Variants in SNX29 observed in about 807,000 individuals in gnomAD.
SNX29 encodes the protein sorting nexin 29.
Under a neutral mutation model 102.1 loss-of-function variants are expected in SNX29, and 78 were observed. The observed-to-expected ratio is 0.76, with a 90% CI of 0.64 to 0.92. The LOEUF (loss-of-function observed/expected upper bound fraction) is 0.92, where lower values mean the gene tolerates loss of function less well. SNX29 is among the 40% of genes least tolerant of loss of function. The pLI is 0.00. For missense variants in SNX29, 1,280 were observed against 1,061.7 expected (o/e 1.21, Z -2.86); for synonymous variants, 580 against 414.5 (o/e 1.40, Z -4.85).
At chr16:12,351,105 C>T (rs1226092763) in intron 15 of SNX29, among the ~76,000 whole-genome samples, 2 of 152,318 alleles carry the variant, frequency 1.3e-5, no homozygotes, top group East Asian at 1.9e-4. Flanking sequence ...ATAAGCCAAC[C>T]TCCCTTTGCC....
intron 18 of SNX29, among the ~76,000 whole-genome samples, chr16:12,449,733 T>TC (rs2151708637): frequency 6.6e-6 from 1 of 152,344 alleles, no homozygotes; most frequent in South Asian, 2.1e-4. Context: ...CCTGTGGGTT[T>TC]CCTGCTGACC....
chr16:12,267,599 A>G (rs1301971968), intron 14 of SNX29, among the ~76,000 whole-genome samples: 2 of 152,168 alleles, frequency 1.3e-5, no homozygotes, highest in African/African-American at 4.8e-5. Context: ...AACCTCCCTC[A>G]TCCTGCAGGA....
intron 13 of SNX29, among the ~76,000 whole-genome samples, chr16:12,183,756 C>T (rs1289872185): frequency 2.0e-5 from 3 of 152,132 alleles, no homozygotes; most frequent in East Asian, 1.9e-4. Flanking sequence ...GATAGGAGGT[C>T]GGCACAAGAT....
At chr16:12,524,929 C>T (rs1383399662) in intron 20 of SNX29, 88 bp downstream of exon 20, 1 of 1,544,538 alleles carries the variant, frequency 6.5e-7, no homozygotes, top group South Asian at 1.2e-5. Flanking sequence ...CACAGCGGCT[C>T]TCCGTGATGC....
At chr16:12,554,965 T>TGG (rs1317009791) in intron 20 of SNX29, among the ~76,000 whole-genome samples, 1 of 148,952 alleles carries the variant, frequency 6.7e-6, no homozygotes, top group African/African-American at 2.6e-5. Flanking sequence ...ATGGAGGTGG[T>TGG]GAGGGGGGTC....
chr16:12,107,788 C>T (rs2053327634), intron 11 of SNX29, among the ~76,000 whole-genome samples: 1 of 152,152 alleles, frequency 6.6e-6, no homozygotes, highest in African/African-American at 2.4e-5. Context: ...TCTCAGACAT[C>T]CTCCCCAGGC....
At chr16:12,089,125 A>AG (rs2052370459) in intron 11 of SNX29, among the ~76,000 whole-genome samples, 1 of 89,720 alleles carries the variant, frequency 1.1e-5, no homozygotes, top group African/African-American at 4.7e-5. Context: ...AGAGAGAGAG[A>AG]AAAGAGAGAG....
At chr16:12,526,574 T>C (rs2076788759) in intron 20 of SNX29, 1 of 529,718 alleles carries the variant, frequency 1.9e-6, no homozygotes, top group South Asian at 1.5e-5. Context: ...TGTTTGGAAA[T>C]GGCCGCGATA....
At chr16:12,071,527 A>G (rs938089971) in intron 10 of SNX29, among the ~76,000 whole-genome samples, 46 of 152,210 alleles carry the variant, frequency 3.0e-4, no homozygotes, top group African/African-American at 8.2e-4. Context: ...CCATTGATCT[A>G]TATTTCTGTT....
intron 20 of SNX29, chr16:12,546,668 C>T (rs1016336711): frequency 6.6e-6 from 1 of 152,182 alleles, no homozygotes; most frequent in Non-Finnish European, 1.5e-5. Flanking sequence ...GTGGATAAAT[C>T]TTCCTTTTTG....
intron 14 of SNX29, among the ~76,000 whole-genome samples, chr16:12,270,962 G>A (rs978991981): frequency 6.6e-6 from 1 of 152,164 alleles, no homozygotes; most frequent in Non-Finnish European, 1.5e-5. Context: ...AGAATGGCTT[G>A]AACTGGGGAG....
rs1471923683 is a variant in SNX29, at chr16:12,350,830, C to G, written c.1783-5333C>G. The stretch of plus-strand genomic sequence containing the variant: ...GGTCCTTCCCCTCAGTCTACTGAAT[C>G]AGAATTTCAGGGGCCAAGACCCAGA... On this transcript the variant is annotated intron_variant, in intron 15 of 20. Coordinates refer to ENST00000566228, the MANE Select transcript of SNX29 (RefSeq NM_032167.5). 1.2e-4 allele frequency among the ~76,000 whole-genome samples: 18 copies of G among 152,276 alleles called. No homozygotes were observed. The East Asian group carries it at 3.3e-3, about 28-fold the overall frequency.
At chr16:12,555,355 CTT>C (rs946341448) in intron 20 of SNX29, among the ~76,000 whole-genome samples, 48 of 152,078 alleles carry the variant, frequency 3.2e-4, no homozygotes, top group Admixed American at 2.1e-3. Context: ...TGTTGGTTAA[CTT>C]TTCTCCCATG....
chr16:12,541,269 CAGGAGCAGGGGA>C (rs1367905679), intron 20 of SNX29, among the ~76,000 whole-genome samples: 1 of 152,128 alleles, frequency 6.6e-6, no homozygotes, highest in East Asian at 1.9e-4. Context: ...GAGAGAATGA[CAGGAGCAGGGGA>C]ATACCACTAA....
intron 14 of SNX29, among the ~76,000 whole-genome samples, chr16:12,262,375 C>T (rs928572015): frequency 6.6e-6 from 1 of 152,014 alleles, no homozygotes; most frequent in Non-Finnish European, 1.5e-5. Flanking sequence ...AAACTGCATC[C>T]CCTTTGACTC....
chr16:12,531,106 A>G (rs1203742012), intron 20 of SNX29, among the ~76,000 whole-genome samples: 1 of 152,192 alleles, frequency 6.6e-6, no homozygotes, highest in East Asian at 1.9e-4. Flanking sequence ...TCCTGACATC[A>G]CTAAAGCCCA....
intron 16 of SNX29, among the ~76,000 whole-genome samples, chr16:12,387,352 A>C (rs114718655): frequency 6.6e-6 from 1 of 151,926 alleles, no homozygotes; most frequent in Non-Finnish European, 1.5e-5. Flanking sequence ...GCTGCAGTCT[A>C]CTGGTCTACT....
At chr16:11,981,370 C>G (rs1352708968) in intron 1 of SNX29, among the ~76,000 whole-genome samples, 8 of 152,018 alleles carry the variant, frequency 5.3e-5, no homozygotes, top group African/African-American at 1.5e-4. Flanking sequence ...TCCCAAAGTG[C>G]TGGGATTACA....
intron 20 of SNX29, among the ~76,000 whole-genome samples, chr16:12,540,211 G>C (rs1272597096): frequency 6.6e-6 from 1 of 152,138 alleles, no homozygotes; most frequent in Non-Finnish European, 1.5e-5. Context: ...ATTGGGTCAA[G>C]GTTAACCTAC....
Sources: allele counts gnomAD v4.1 joint callset (sites outside exome capture counted in the v4.1 genomes callset), GRCh38; gene constraint gnomAD v4.1.1; transcripts MANE v1.5; gene names NCBI Gene and HGNC (gene_info 2026-07-23, HGNC 2026-07-21).